SLC25A43: variants seen among roughly 807,000 people sequenced by gnomAD.
The protein encoded by SLC25A43 is solute carrier family 25 member 43, also known as solute carrier family 25, member 43.
SLC25A43 carries 10 observed loss-of-function variants against 22.8 expected under a neutral mutation model. The observed-to-expected ratio is 0.44, with a 90% CI of 0.27 to 0.74. The LOEUF is 0.74. Ranked by LOEUF, SLC25A43 falls within the 30% of genes least tolerant of loss-of-function variation. The probability of loss-of-function intolerance (pLI) is 0.17; values close to 1 mark genes in which losing one functional copy is unlikely to be tolerated. For synonymous variants in SLC25A43, 106 were observed against 121.6 expected (o/e 0.87, Z 0.84); for missense variants, 233 against 279.1 (o/e 0.83, Z 1.18).
chrX:119,400,758 G>T (rs779131785), intron 1 of SLC25A43, among the ~76,000 whole-genome samples: 1 of 112,201 alleles, frequency 8.9e-6, no homozygotes, highest in Admixed American at 9.4e-5. Flanking sequence ...TTTTGCCTCT[G>T]CCTGGAAATA....
At chrX:119,413,443 C>T (rs1385132513) in intron 3 of SLC25A43, among the ~76,000 whole-genome samples, 2 of 110,736 alleles carry the variant, frequency 1.8e-5, no homozygotes, top group African/African-American at 3.3e-5. Context: ...CGGTGGCTCA[C>T]GGCTGTAATC....
At chrX:119,413,114 G>T (rs111270644) in intron 3 of SLC25A43, among the ~76,000 whole-genome samples, 2,481 of 107,579 alleles carry the variant, frequency 0.023, 63 homozygotes, top group African/African-American at 0.075. Flanking sequence ...GAGAGACCCT[G>T]TCTCAAAGAA....
chrX:119,444,812 C>T (rs2052652505), intron 3 of SLC25A43, among the ~76,000 whole-genome samples: 1 of 109,295 alleles, frequency 9.1e-6, no homozygotes, highest in African/African-American at 3.3e-5. Flanking sequence ...AGGTGGGTGG[C>T]TCACTTGAGG....
intron 3 of SLC25A43, among the ~76,000 whole-genome samples, chrX:119,414,914 ATT>A (rs767288270): frequency 4.7e-4 from 27 of 56,913 alleles, no homozygotes; most frequent in African/African-American, 1.9e-3. Flanking sequence ...CACCCAGCTA[ATT>A]TTTTTTTTTT....
intron 3 of SLC25A43, among the ~76,000 whole-genome samples, chrX:119,450,907 A>C (rs1382154828): frequency 8.9e-6 from 1 of 112,465 alleles, no homozygotes; most frequent in South Asian, 3.7e-4. Context: ...TCACGCCTGT[A>C]ATCCTAGCAC....
chrX:119,416,432 G>T (rs1218192066), intron 3 of SLC25A43, among the ~76,000 whole-genome samples: 1 of 111,820 alleles, frequency 8.9e-6, no homozygotes, highest in Admixed American at 9.5e-5. Flanking sequence ...TGTTAGCCAG[G>T]CTGGTCTCGA....
At chrX:119,451,342 C>T (rs1329994030) in intron 3 of SLC25A43, among the ~76,000 whole-genome samples, 4 of 111,430 alleles carry the variant, frequency 3.6e-5, no homozygotes, top group African/African-American at 6.5e-5. Flanking sequence ...TGGGCTGGGT[C>T]GTCTTTATAG....
chrX:119,418,994 T>C (rs1158956009), intron 3 of SLC25A43, among the ~76,000 whole-genome samples: 1 of 112,445 alleles, frequency 8.9e-6, no homozygotes, highest in Non-Finnish European at 1.9e-5. Flanking sequence ...GGGTAAAATA[T>C]TGACAGAGAT....
intron 3 of SLC25A43, among the ~76,000 whole-genome samples, chrX:119,428,826 G>A: frequency 9.0e-6 from 1 of 111,501 alleles, no homozygotes; most frequent in Non-Finnish European, 1.9e-5. Flanking sequence ...TCTCATAGCA[G>A]TGCAAACCCT....
At chrX:119,411,527 C>T (rs184904862) in intron 3 of SLC25A43, among the ~76,000 whole-genome samples, 4 of 109,609 alleles carry the variant, frequency 3.6e-5, no homozygotes, top group African/African-American at 1.3e-4. Context: ...AATGAGGCGG[C>T]ATCTTAGTGA....
At chrX:119,425,587 A>G (rs1392841618) in intron 3 of SLC25A43, among the ~76,000 whole-genome samples, 9 of 106,503 alleles carry the variant, frequency 8.5e-5, no homozygotes, top group African/African-American at 3.1e-4. Context: ...CCCTTTGTGA[A>G]CCAAATTCTT....
At chrX:119,442,233 A>G (rs1368901154) in intron 3 of SLC25A43, among the ~76,000 whole-genome samples, 3 of 112,352 alleles carry the variant, frequency 2.7e-5, no homozygotes, top group Non-Finnish European at 5.6e-5. Flanking sequence ...AGAAATTTGG[A>G]AGATTGTTAA....
At chrX:119,409,557 A>G (rs1211878073) in intron 2 of SLC25A43, among the ~76,000 whole-genome samples, 1 of 105,823 alleles carries the variant, frequency 9.4e-6, no homozygotes, top group African/African-American at 3.5e-5. Context: ...GCAAATATCA[A>G]TACACTTCAC....
At chrX:119,400,524 G>T (rs151095060) in intron 1 of SLC25A43, among the ~76,000 whole-genome samples, 1,330 of 112,094 alleles carry the variant, frequency 0.012, 24 homozygotes, top group African/African-American at 0.04. Context: ...TCATTCAGTG[G>T]GCACAGTGGC....
intron 4 of SLC25A43, 83 bp from the exon 5 acceptor site, chrX:119,452,782 T>C: frequency 1.3e-6 from 1 of 759,354 alleles, no homozygotes; most frequent in Non-Finnish European, 2.0e-6. Context: ...ACAAGATAAT[T>C]TACCCTGATC....
At chrX:119,431,177 C>T (rs996885272) in intron 3 of SLC25A43, among the ~76,000 whole-genome samples, 2 of 112,048 alleles carry the variant, frequency 1.8e-5, no homozygotes, top group African/African-American at 6.5e-5. Flanking sequence ...GATAATACTA[C>T]CTCTTTCATG....
chrX:119,422,695 C>G (rs1298085155), intron 3 of SLC25A43, among the ~76,000 whole-genome samples: 1 of 111,444 alleles, frequency 9.0e-6, no homozygotes, highest in Non-Finnish European at 1.9e-5. Flanking sequence ...AAGCCTGCCT[C>G]CTGCTCAACC....
At chrX:119,448,681 T>C (rs1196734810) in intron 3 of SLC25A43, among the ~76,000 whole-genome samples, 1 of 111,732 alleles carries the variant, frequency 8.9e-6, no homozygotes, top group Non-Finnish European at 1.9e-5. Flanking sequence ...AACTTCAGCA[T>C]CCTCCAGACA....
At chrX:119,409,624 C>CT (rs1304364120) in intron 2 of SLC25A43, among the ~76,000 whole-genome samples, 2 of 106,324 alleles carry the variant, frequency 1.9e-5, no homozygotes, top group African/African-American at 6.9e-5. Context: ...GTGTATGGTT[C>CT]TTTTTTTTGA....
Sources: gnomAD v4.1 joint callset for allele counts (sites outside exome capture counted in the v4.1 genomes callset) on GRCh38, gnomAD v4.1.1 for gene constraint, MANE v1.5 for transcripts, NCBI Gene and HGNC (gene_info 2026-07-23, HGNC 2026-07-21) for gene names.